The following MTUS2 variants were observed in gnomAD, a reference collection of about 807,000 sequenced individuals.
The protein encoded by MTUS2 is microtubule-associated tumor suppressor candidate 2.
MTUS2 carries 40 observed loss-of-function variants against 114.1 expected under a neutral mutation model. The observed-to-expected ratio is 0.35, with a 90% CI of 0.27 to 0.46. The LOEUF (loss-of-function observed/expected upper bound fraction) is 0.46, where lower values mean the gene tolerates loss of function less well. Ranked by LOEUF, MTUS2 falls within the 20% of genes least tolerant of loss-of-function variation. The pLI is 1.00. For synonymous variants in MTUS2, 688 were observed against 672.0 expected (o/e 1.02, Z -0.37); for missense variants, 1,679 against 1,705.4 (o/e 0.98, Z 0.27).
chr13:28,872,183 A>G (rs1877657131), intron 2 of MTUS2, among the ~76,000 whole-genome samples: 1 of 152,074 alleles, frequency 6.6e-6, no homozygotes, highest in South Asian at 2.1e-4. Context: ...AGTGGTATGG[A>G]CCTTGGTGCT....
In MTUS2 at chr13:29,462,780, T is replaced by C. The variant is rs544060147; in HGVS notation, c.3185-17370T>C. Among the ~76,000 whole-genome samples, 129 of 152,036 alleles carry C rather than the reference T, an allele frequency of 8.5e-4. 5 individuals carry two copies. In the South Asian group the frequency reaches 0.024, roughly 28 times the overall value. On this transcript the variant is annotated intron_variant, in intron 9 of 15. Transcript: ENST00000612955. ...GAGAAAGATGAGAGAGACACCACCA[T>C]TTGTAGAGGCTGTGTGTATGGAGAC...
intron 1 of MTUS2, among the ~76,000 whole-genome samples, chr13:28,832,127 A>G (rs1161290304): frequency 1.3e-5 from 2 of 152,182 alleles, no homozygotes; most frequent in Non-Finnish European, 2.9e-5. Flanking sequence ...GAAGATCAGC[A>G]AGGAAATAAA....
chr13:29,007,864 T>C (rs139814767), intron 2 of MTUS2, among the ~76,000 whole-genome samples: 134 of 152,360 alleles, frequency 8.8e-4, no homozygotes, highest in African/African-American at 3.2e-3. Context: ...AGGCTATTAA[T>C]AGTTAAGTTT....
At chr13:28,877,656 A>G (rs1878028354) in intron 2 of MTUS2, among the ~76,000 whole-genome samples, 1 of 152,232 alleles carries the variant, frequency 6.6e-6, no homozygotes, top group Admixed American at 6.5e-5. Flanking sequence ...TCCTGTGACT[A>G]ACGTAGTGAT....
chr13:29,501,293 C>G (rs1251909135), intron 15 of MTUS2, 99 bp downstream of exon 15: 3 of 878,032 alleles, frequency 3.4e-6, no homozygotes, highest in Non-Finnish European at 5.5e-6. Flanking sequence ...AGTCTTTCCC[C>G]ACAGTCTCTT....
intron 8 of MTUS2, among the ~76,000 whole-genome samples, chr13:29,384,723 T>A (rs1052586928): frequency 6.6e-6 from 1 of 152,198 alleles, no homozygotes; most frequent in African/African-American, 2.4e-5. Context: ...TGACGTCCAA[T>A]GCTTTAACGA....
intron 2 of MTUS2, among the ~76,000 whole-genome samples, chr13:28,915,652 T>G (rs925180241): frequency 6.6e-6 from 1 of 151,980 alleles, no homozygotes; most frequent in Non-Finnish European, 1.5e-5. Flanking sequence ...ATTATTAGAT[T>G]TTTTCCTATA....
chr13:29,322,118 AT>A (rs1900280170), intron 6 of MTUS2, among the ~76,000 whole-genome samples: 1 of 152,242 alleles, frequency 6.6e-6, no homozygotes, highest in African/African-American at 2.4e-5. Flanking sequence ...CAATATTTGC[AT>A]TTTTGATAAA....
chr13:29,000,563 G>T (rs575237100), intron 2 of MTUS2, among the ~76,000 whole-genome samples: 7 of 152,098 alleles, frequency 4.6e-5, no homozygotes, highest in Non-Finnish European at 1.0e-4. Flanking sequence ...ACAGGGCTTC[G>T]CCATGTTGTC....
chr13:29,053,094 T>G (rs1887977028), intron 4 of MTUS2, among the ~76,000 whole-genome samples: 2 of 152,206 alleles, frequency 1.3e-5, no homozygotes, highest in Admixed American at 1.3e-4. Context: ...CTTGGATAAT[T>G]TATTCTTCAT....
intron 8 of MTUS2, among the ~76,000 whole-genome samples, chr13:29,385,356 G>C (rs943885993): frequency 1.3e-5 from 2 of 152,200 alleles, no homozygotes; most frequent in African/African-American, 4.8e-5. Context: ...CACACCTGCA[G>C]ATTCCCAGGA....
chr13:29,157,570 T>G (rs1373581019), intron 5 of MTUS2, among the ~76,000 whole-genome samples: 2 of 152,144 alleles, frequency 1.3e-5, no homozygotes, highest in Non-Finnish European at 2.9e-5. Flanking sequence ...GCTCTGAGGA[T>G]GAGTGAAACC....
intron 5 of MTUS2, among the ~76,000 whole-genome samples, chr13:29,184,213 C>G (rs893750330): frequency 6.6e-6 from 1 of 152,248 alleles, no homozygotes; most frequent in African/African-American, 2.4e-5. Flanking sequence ...GTTCAGCTAC[C>G]TTTGACAAAT....
At chr13:28,963,231 G>T (rs918502052) in intron 2 of MTUS2, among the ~76,000 whole-genome samples, 2 of 151,958 alleles carry the variant, frequency 1.3e-5, no homozygotes, top group Non-Finnish European at 2.9e-5. Context: ...GGCGCCTGTA[G>T]TCCCAACTAC....
intron 6 of MTUS2, among the ~76,000 whole-genome samples, chr13:29,317,008 T>G (rs1321907499): frequency 1.3e-5 from 2 of 152,212 alleles, no homozygotes; most frequent in East Asian, 3.8e-4. Context: ...TACAAAGCTT[T>G]TACACATACA....
chr13:28,899,904 A>G (rs1879536898), intron 2 of MTUS2, among the ~76,000 whole-genome samples: 1 of 151,528 alleles, frequency 6.6e-6, no homozygotes, highest in African/African-American at 2.4e-5. Flanking sequence ...TTTTTTTGAG[A>G]TGGAGTAAAA....
intron 5 of MTUS2, among the ~76,000 whole-genome samples, chr13:29,265,384 C>T (rs1897630387): frequency 6.6e-6 from 1 of 152,218 alleles, no homozygotes; most frequent in Non-Finnish European, 1.5e-5. Flanking sequence ...TACAAACTTT[C>T]CCTCGTCTTC....
intron 7 of MTUS2, among the ~76,000 whole-genome samples, chr13:29,337,394 G>C (rs569158804): frequency 2.4e-4 from 37 of 152,120 alleles, no homozygotes; most frequent in Non-Finnish European, 4.9e-4. Flanking sequence ...TGTTGGCTAG[G>C]GGAGGGAGTT....
At chr13:29,082,996 T>C (rs899335009) in intron 4 of MTUS2, among the ~76,000 whole-genome samples, 9 of 152,064 alleles carry the variant, frequency 5.9e-5, no homozygotes, top group African/African-American at 2.2e-4. Flanking sequence ...GGGAAGCCCA[T>C]TGAAGATGGG....
Sources: gnomAD v4.1 joint callset for allele counts (sites outside exome capture counted in the v4.1 genomes callset) on GRCh38, gnomAD v4.1.1 for gene constraint, MANE v1.5 for transcripts, NCBI Gene and HGNC (gene_info 2026-07-23, HGNC 2026-07-21) for gene names.